ANO10: variants seen among roughly 807,000 people sequenced by gnomAD.
The protein encoded by ANO10 is anoctamin-10.
In ANO10, 77 loss-of-function variants were observed where a neutral mutation model predicts 74.7. The ratio of observed to expected loss-of-function variants is 1.03; its 90% CI spans 0.86 to 1.25. The LOEUF is 1.25. Ranked by LOEUF, ANO10 falls within the 50% of genes most tolerant of loss-of-function variation. ANO10 has a pLI of 0.00. For synonymous variants in ANO10, 279 were observed against 284.9 expected, an observed-to-expected ratio of 0.98 and a Z score of 0.21; for missense variants, 721 against 778.1, an observed-to-expected ratio of 0.93 and a Z score of 0.87.
At chr3:43,618,442 G>C (rs566704260) in intron 1 of ANO10, among the ~76,000 whole-genome samples, 8 of 152,300 alleles carry the variant, frequency 5.3e-5, no homozygotes, top group African/African-American at 1.9e-4. Flanking sequence ...ATACTGCCAA[G>C]AGTTTGCTTG....
intron 10 of ANO10, 108 bp downstream of exon 10, chr3:43,555,170 C>T (rs934980454): frequency 5.0e-5 from 57 of 1,138,824 alleles, no homozygotes; most frequent in Non-Finnish European, 6.3e-5. Flanking sequence ...CAAACAAATT[C>T]AGTTTTCCTA....
At chr3:43,648,422 A>G (rs117841044) in intron 1 of ANO10, among the ~76,000 whole-genome samples, 4,096 of 152,302 alleles carry the variant, frequency 0.027, 150 homozygotes, top group Admixed American at 0.098. Context: ...AAGTAGAGGA[A>G]TAAAATAATG....
At chr3:43,484,983 T>C in intron 11 of ANO10, 1 of 1,405,352 alleles carries the variant, frequency 7.1e-7, no homozygotes, top group African/African-American at 1.4e-5. Context: ...TAGAAGAAGG[T>C]GTTGGGCCTC....
At chr3:43,491,027 G>T (rs1480797266) in intron 11 of ANO10, among the ~76,000 whole-genome samples, 2 of 152,182 alleles carry the variant, frequency 1.3e-5, no homozygotes, top group African/African-American at 2.4e-5. Flanking sequence ...AGGGGGGCGG[G>T]GTTTAAATGG....
At chr3:43,461,415 T>G (rs141599115) in intron 11 of ANO10, among the ~76,000 whole-genome samples, 1 of 152,194 alleles carries the variant, frequency 6.6e-6, no homozygotes, top group Non-Finnish European at 1.5e-5. Flanking sequence ...GGAAAGTATA[T>G]AAAACATTTA....
At chr3:43,591,518 C>T (rs1414275444) in intron 4 of ANO10, among the ~76,000 whole-genome samples, 4 of 152,200 alleles carry the variant, frequency 2.6e-5, no homozygotes, top group Admixed American at 1.3e-4. Context: ...ACCTTGGGAG[C>T]AGCCTGCCCC....
At chr3:43,598,025 A>G (rs2082171527) in intron 4 of ANO10, among the ~76,000 whole-genome samples, 3 of 152,328 alleles carry the variant, frequency 2.0e-5, no homozygotes, top group Admixed American at 1.3e-4. Context: ...AAGCTTTGCC[A>G]CTATCTGGGT....
chr3:43,687,536 GCATT>G (rs1473874490), intron 1 of ANO10, among the ~76,000 whole-genome samples: 1 of 152,176 alleles, frequency 6.6e-6, no homozygotes, highest in Non-Finnish European at 1.5e-5. Context: ...GACAATGGCA[GCATT>G]CAGTCTTTAG....
intron 7 of ANO10, 121 bp from the exon 8 acceptor site, chr3:43,565,848 G>A (rs2080295146): frequency 2.0e-6 from 2 of 1,016,100 alleles, no homozygotes; most frequent in African/African-American, 3.3e-5. Flanking sequence ...GGGCCGAATA[G>A]GAACAGCTCC....
intron 12 of ANO10, among the ~76,000 whole-genome samples, chr3:43,399,159 C>T (rs2092436109): frequency 6.6e-6 from 1 of 152,214 alleles, no homozygotes; most frequent in African/African-American, 2.4e-5. Flanking sequence ...AACTGATTTA[C>T]ATGCGAAACA....
chr3:43,659,264 C>G (rs184909631), intron 1 of ANO10, among the ~76,000 whole-genome samples: 1 of 152,162 alleles, frequency 6.6e-6, no homozygotes, highest in Non-Finnish European at 1.5e-5. Flanking sequence ...TCACCTCACC[C>G]GAGAAGTGCA....
At chr3:43,400,089 A>G (rs2092452076) in intron 12 of ANO10, among the ~76,000 whole-genome samples, 1 of 152,008 alleles carries the variant, frequency 6.6e-6, no homozygotes, top group South Asian at 2.1e-4. Flanking sequence ...TCTGCTTTCT[A>G]TGTTACAAAA....
chr3:43,572,492 CAG>C (rs1272837082), intron 7 of ANO10, among the ~76,000 whole-genome samples: 2 of 152,192 alleles, frequency 1.3e-5, no homozygotes, highest in Non-Finnish European at 2.9e-5. Context: ...CTCTCTATCG[CAG>C]AGAGACAGCA....
At chr3:43,683,520 A>T (rs2084230182) in intron 1 of ANO10, among the ~76,000 whole-genome samples, 1 of 152,230 alleles carries the variant, frequency 6.6e-6, no homozygotes, top group Non-Finnish European at 1.5e-5. Flanking sequence ...TAATTTATAG[A>T]TTCAATGCCA....
intron 4 of ANO10, among the ~76,000 whole-genome samples, chr3:43,592,854 T>C (rs1039018540): frequency 1.3e-5 from 2 of 151,918 alleles, no homozygotes; most frequent in Non-Finnish European, 2.9e-5. Flanking sequence ...CTAAAAACTT[T>C]CAAAAAAGAT....
At chr3:43,446,935 C>T (rs2093255158) in intron 11 of ANO10, among the ~76,000 whole-genome samples, 3 of 152,118 alleles carry the variant, frequency 2.0e-5, no homozygotes, top group Admixed American at 2.0e-4. Flanking sequence ...CTTCCCAATG[C>T]CCCACTGTGC....
At chr3:43,669,795 C>T (rs1438342997) in intron 1 of ANO10, among the ~76,000 whole-genome samples, 1 of 151,968 alleles carries the variant, frequency 6.6e-6, no homozygotes, top group African/African-American at 2.4e-5. Context: ...GGCACTATCT[C>T]GGCTCACTTC....
intron 11 of ANO10, among the ~76,000 whole-genome samples, chr3:43,498,889 G>C (rs1469083103): frequency 6.6e-6 from 1 of 152,132 alleles, no homozygotes; most frequent in Non-Finnish European, 1.5e-5. Context: ...TGCATATAAG[G>C]TAAACACACA....
intron 9 of ANO10, 94 bp from the exon 10 acceptor site, chr3:43,555,563 A>G: frequency 7.8e-7 from 1 of 1,282,220 alleles, no homozygotes; most frequent in Non-Finnish European, 1.1e-6. Context: ...TAACTATTCA[A>G]AAAAACCTCA....
Sources: gnomAD v4.1 joint callset for allele counts (sites outside exome capture counted in the v4.1 genomes callset) on GRCh38, gnomAD v4.1.1 for gene constraint, MANE v1.5 for transcripts, NCBI Gene and HGNC (gene_info 2026-07-23, HGNC 2026-07-21) for gene names.